The following ST14 variants were observed in gnomAD, a reference collection of about 807,000 sequenced individuals.
ST14 encodes suppressor of tumorigenicity 14 protein.
ST14 carries 40 observed loss-of-function variants against 96.5 expected under a neutral mutation model. The observed-to-expected ratio is 0.41, with a 90% CI of 0.32 to 0.54. ST14 has a LOEUF of 0.54. Among genes scored for constraint, ST14 ranks in the 20% least tolerant of loss-of-function variants. ST14 has a pLI of 0.17. For synonymous variants in ST14, 506 were observed against 492.1 expected (o/e 1.03, Z -0.37); for missense variants, 1,066 against 1,188.9 (o/e 0.90, Z 1.52).
chr11:130,204,540 G>A (rs113705722), intron 16 of ST14, among the ~76,000 whole-genome samples: 8,345 of 152,276 alleles, frequency 0.055, 301 homozygotes, highest in Middle Eastern at 0.095. Context: ...GGCCTGGCGC[G>A]GTGGCTCATG....
At chr11:130,185,081 C>G (rs540819730) in intron 1 of ST14, among the ~76,000 whole-genome samples, 11 of 152,218 alleles carry the variant, frequency 7.2e-5, no homozygotes, top group African/African-American at 2.2e-4. Context: ...CCAAGGATCC[C>G]CCAGCATTTG....
intron 16 of ST14, among the ~76,000 whole-genome samples, chr11:130,204,719 TG>T (rs980015362): frequency 6.6e-6 from 1 of 151,712 alleles, no homozygotes; most frequent in African/African-American, 2.4e-5. Flanking sequence ...GCGGCTGAGG[TG>T]GGAGGATCGC....
chr11:130,175,369 T>TTC (rs1375492402), intron 1 of ST14, among the ~76,000 whole-genome samples: 1 of 151,904 alleles, frequency 6.6e-6, no homozygotes, highest in African/African-American at 2.4e-5. Flanking sequence ...CTCTCTCTCT[T>TTC]TCTCTCTCTC....
chr11:130,189,681 G>T (rs750684095), intron 4 of ST14, 58 bp from the exon 5 acceptor site: 1 of 1,599,018 alleles, frequency 6.3e-7, no homozygotes, highest in Admixed American at 1.7e-5. Flanking sequence ...GTCGCTCTGG[G>T]CGCACGTGGG....
intron 11 of ST14, 134 bp from the exon 12 acceptor site, chr11:130,197,707 C>G: frequency 1.4e-6 from 1 of 729,002 alleles, no homozygotes; most frequent in Non-Finnish European, 2.3e-6. Flanking sequence ...CCTGGGTAAC[C>G]CCTGCCCTGG....
chr11:130,161,934 A>G (rs7125179), intron 1 of ST14, among the ~76,000 whole-genome samples: 44,037 of 152,182 alleles, frequency 0.29, 12,434 homozygotes, highest in African/African-American at 0.74. Flanking sequence ...GAAATTGGCC[A>G]AAGCTCATTT....
intron 9 of ST14, 119 bp downstream of exon 9, chr11:130,194,856 G>A (rs1591890755): frequency 6.1e-5 from 6 of 98,744 alleles, no homozygotes; most frequent in Admixed American, 8.1e-4. Context: ...GTGTGCATGT[G>A]TGTGTGTGTG....
intron 4 of ST14, chr11:130,189,516 A>G (rs1392337589): frequency 1.7e-6 from 1 of 603,096 alleles, no homozygotes; most frequent in Admixed American, 3.0e-5. Flanking sequence ...CAGCCCCCAG[A>G]ATCGGTCTGG....
intron 1 of ST14, among the ~76,000 whole-genome samples, chr11:130,172,578 C>A (rs891714637): frequency 6.6e-6 from 1 of 151,958 alleles, no homozygotes; most frequent in African/African-American, 2.4e-5. Context: ...CCACCATACC[C>A]GGCTAATTTT....
chr11:130,170,603 G>T (rs894505524), intron 1 of ST14, among the ~76,000 whole-genome samples: 1 of 151,918 alleles, frequency 6.6e-6, no homozygotes, highest in Non-Finnish European at 1.5e-5. Flanking sequence ...AGGCAGGTTC[G>T]GTAGGCGGTA....
At chr11:130,206,775 C>T (rs1953494307) in intron 16 of ST14, among the ~76,000 whole-genome samples, 1 of 152,040 alleles carries the variant, frequency 6.6e-6, no homozygotes, top group Non-Finnish European at 1.5e-5. Context: ...ACCATGCTGG[C>T]CAGGCTGGTC....
At chr11:130,162,694 C>G (rs1230134070) in intron 1 of ST14, among the ~76,000 whole-genome samples, 4 of 152,196 alleles carry the variant, frequency 2.6e-5, no homozygotes, top group African/African-American at 9.6e-5. Context: ...GAGGAAGACC[C>G]TAGACTCACA....
chr11:130,199,333 C>G (rs1047057908), intron 15 of ST14, among the ~76,000 whole-genome samples: 3 of 152,202 alleles, frequency 2.0e-5, no homozygotes, highest in Non-Finnish European at 2.9e-5. Context: ...GGCTGCAGTG[C>G]GTTGCTGGCC....
intron 1 of ST14, among the ~76,000 whole-genome samples, chr11:130,167,721 T>A (rs1436759662): frequency 6.6e-6 from 1 of 151,944 alleles, no homozygotes; most frequent in Non-Finnish European, 1.5e-5. Context: ...AGTGACTATT[T>A]TTTTTTTTTC....
chr11:130,208,343 C>A, intron 16 of ST14, 67 bp from the exon 17 acceptor site: 1 of 1,608,804 alleles, frequency 6.2e-7, no homozygotes, highest in Non-Finnish European at 8.5e-7. Context: ...TGGGAACGCG[C>A]GGGGCCGCGA....
chr11:130,188,221 CG>C lies in ST14; in HGVS notation c.191del (p.Gly64AlafsTer31). The part of the protein sequence containing the change: ...RWVVLAAVLI[G>X]LLLVLLGIGF... ...GGGTGGTGCTGGCAGCCGTGCTGAT[CG>C]GCCTCCTCTTGGTCTTGCTGGGGAT... On this transcript the variant is annotated frameshift_variant, in exon 2 of 19. Transcript: ENST00000278742. LOFTEE classifies it high-confidence loss of function. The surrounding 1 kb of genome is among the most constrained non-coding windows in gnomAD (Gnocchi z 5.4). 6.2e-7 allele frequency: 1 copy of C among 1,614,146 alleles called. No individual in the cohort carries two copies. Among genetic ancestry groups the C allele is most frequent in the Non-Finnish European group, 8.5e-7 (1 of 1,179,998 alleles).
chr11:130,197,954 G>C lies in ST14; in HGVS notation c.1459+9G>C. 1.3e-6 allele frequency: 2 copies of C among 1,569,218 alleles called. No homozygotes were observed. Among genetic ancestry groups the C allele is most frequent in the Non-Finnish European group, 1.7e-6 (2 of 1,160,172 alleles). ...CGATGAGCTCAACTGCAGTGAGTCA[G>C]GCTGGGAGCCCCGGTCTCCCCACCC... On this transcript the variant is annotated intron_variant, in intron 12 of 18. Transcript: ENST00000278742.
chr11:130,198,770 G>C, intron 14 of ST14, 149 bp downstream of exon 14: 1 of 1,437,710 alleles, frequency 7.0e-7, no homozygotes. Flanking sequence ...GGTTGGGGGA[G>C]AATTTTCCAG....
At chr11:130,180,791 A>G (rs1225990712) in intron 1 of ST14, among the ~76,000 whole-genome samples, 1 of 152,194 alleles carries the variant, frequency 6.6e-6, no homozygotes, top group African/African-American at 2.4e-5. Flanking sequence ...TATATTATCA[A>G]ATAAAATAGG....
Sources: gnomAD v4.1 joint callset for allele counts (sites outside exome capture counted in the v4.1 genomes callset) on GRCh38, gnomAD v4.1.1 for gene constraint, Gnocchi (gnomAD v3.1) non-coding constraint, MANE v1.5 for transcripts, NCBI Gene and HGNC (gene_info 2026-07-23, HGNC 2026-07-21) for gene names.